The following ENOX1 variants were observed in gnomAD, a reference collection of about 807,000 sequenced individuals.
ENOX1 encodes ecto-NOX disulfide-thiol exchanger 1, also known as candidate growth-related and time keeping constitutive hydroquinone (NADH) oxidase.
In ENOX1, 42 loss-of-function variants were observed where a neutral mutation model predicts 82.5. That is an observed-to-expected ratio of 0.51 (90% CI 0.40 to 0.66). The LOEUF (loss-of-function observed/expected upper bound fraction) is 0.66, where lower values mean the gene tolerates loss of function less well. Ranked by LOEUF, ENOX1 falls within the 30% of genes least tolerant of loss-of-function variation. The pLI is 0.00. For synonymous variants in ENOX1, 271 were observed against 282.2 expected, an observed-to-expected ratio of 0.96 and a Z score of 0.40; for missense variants, 608 against 811.6, an observed-to-expected ratio of 0.75 and a Z score of 3.05.
At chr13:43,291,246 C>A (rs1469355606) in intron 12 of ENOX1, among the ~76,000 whole-genome samples, 2 of 152,146 alleles carry the variant, frequency 1.3e-5, no homozygotes, top group Admixed American at 6.5e-5. Context: ...CCTTCCCATC[C>A]CTGTGTCTGG....
chr13:43,524,243 C>G (rs543196543), intron 2 of ENOX1, among the ~76,000 whole-genome samples: 1 of 152,222 alleles, frequency 6.6e-6, no homozygotes, highest in South Asian at 2.1e-4. Context: ...CTCATTAACC[C>G]CAGACACTCA....
chr13:43,762,134 G>A (rs1341809479), intron 1 of ENOX1, among the ~76,000 whole-genome samples: 1 of 152,038 alleles, frequency 6.6e-6, no homozygotes, highest in Non-Finnish European at 1.5e-5. Context: ...TCTCGATTAA[G>A]CGGGAAACTC....
intron 9 of ENOX1, among the ~76,000 whole-genome samples, chr13:43,334,327 C>A (rs1264754005): frequency 6.6e-6 from 1 of 152,196 alleles, no homozygotes; most frequent in Non-Finnish European, 1.5e-5. Context: ...GAAATTACAT[C>A]TGTCCAACTT....
chr13:43,769,339 T>C (rs1436815224), intron 1 of ENOX1, among the ~76,000 whole-genome samples: 1 of 152,136 alleles, frequency 6.6e-6, no homozygotes, highest in Non-Finnish European at 1.5e-5. Flanking sequence ...GCCACCCTAA[T>C]GAGCTTCCCC....
intron 2 of ENOX1, among the ~76,000 whole-genome samples, chr13:43,662,064 G>A (rs556776752): frequency 1.8e-4 from 27 of 152,022 alleles, no homozygotes; most frequent in East Asian, 3.9e-4. Context: ...TAGTCCTATC[G>A]ACTTTGGGGC....
chr13:43,647,080 G>T (rs1041527540), intron 2 of ENOX1, among the ~76,000 whole-genome samples: 1 of 152,100 alleles, frequency 6.6e-6, no homozygotes, highest in Admixed American at 6.5e-5. Context: ...GGCGTCTTTG[G>T]CTACTCTCTA....
chr13:43,524,135 C>G (rs2077891207), intron 2 of ENOX1, among the ~76,000 whole-genome samples: 1 of 152,128 alleles, frequency 6.6e-6, no homozygotes, highest in Non-Finnish European at 1.5e-5. Context: ...CCTTCAGACC[C>G]CTTTAGTCCA....
chr13:43,445,125 GTTTT>G (rs71808213), intron 3 of ENOX1, among the ~76,000 whole-genome samples: 7 of 137,818 alleles, frequency 5.1e-5, no homozygotes, highest in South Asian at 2.3e-4. Context: ...TTCTTTCTGG[GTTTT>G]TTTTTTTTTT....
At chr13:43,494,493 A>T (rs1423471848) in intron 2 of ENOX1, among the ~76,000 whole-genome samples, 3 of 152,192 alleles carry the variant, frequency 2.0e-5, no homozygotes, top group South Asian at 2.1e-4. Flanking sequence ...AAATGACGGA[A>T]CAGTCCCCCA....
intron 2 of ENOX1, among the ~76,000 whole-genome samples, chr13:43,535,987 A>T (rs931958162): frequency 6.6e-6 from 1 of 152,214 alleles, no homozygotes; most frequent in Admixed American, 6.5e-5. Flanking sequence ...TATATGCCTT[A>T]GGAGAATATC....
chr13:43,418,995 T>C (rs550108553), intron 3 of ENOX1, among the ~76,000 whole-genome samples: 1 of 152,196 alleles, frequency 6.6e-6, no homozygotes, highest in Non-Finnish European at 1.5e-5. Context: ...CTGGCCAATA[T>C]AGTGAAACCC....
chr13:43,389,089 A>G (rs1464511985), intron 5 of ENOX1, among the ~76,000 whole-genome samples: 5 of 152,220 alleles, frequency 3.3e-5, no homozygotes, highest in Admixed American at 3.3e-4. Context: ...TAGCAGGGAA[A>G]CTAAATAGCA....
At chr13:43,310,421 C>T (rs557005582) in intron 11 of ENOX1, among the ~76,000 whole-genome samples, 1 of 152,088 alleles carries the variant, frequency 6.6e-6, no homozygotes, top group South Asian at 2.1e-4. Flanking sequence ...AAAATGACTT[C>T]CTTCCAATTA....
chr13:43,508,014 A>G (rs1459318875), intron 2 of ENOX1, among the ~76,000 whole-genome samples: 1 of 151,998 alleles, frequency 6.6e-6, no homozygotes, highest in Non-Finnish European at 1.5e-5. Context: ...CAACCTTAAT[A>G]ATTTAAAATT....
chr13:43,741,619 C>A (rs868003768), intron 1 of ENOX1, among the ~76,000 whole-genome samples: 1 of 152,104 alleles, frequency 6.6e-6, no homozygotes, highest in Non-Finnish European at 1.5e-5. Context: ...TGCATGAGTT[C>A]TTTACATATC....
In ENOX1 at chr13:43,622,902, A is replaced by G. The variant is rs537839141; in HGVS notation, c.-219+44577T>C. 9.2e-5 allele frequency among the ~76,000 whole-genome samples: 14 copies of G among 152,096 alleles called. No homozygotes were observed. In the East Asian group the frequency reaches 2.3e-3, roughly 25 times the overall value. On this transcript the variant is annotated intron_variant, in intron 2 of 16. Transcript: ENST00000690772. ...GTCGGGGCAGGGCTAGGCATGTCTGAGCTCAGACTTTCCTTGGGAGGGTCT... is the reference window on the plus strand; with the variant it reads ...GTCGGGGCAGGGCTAGGCATGTCTGGGCTCAGACTTTCCTTGGGAGGGTCT...
intron 2 of ENOX1, among the ~76,000 whole-genome samples, chr13:43,657,315 G>T (rs9525819): frequency 0.095 from 14,478 of 152,184 alleles, 1,018 homozygotes; most frequent in East Asian, 0.34. Context: ...AATTATTTTA[G>T]ATTTGTTTCC....
intron 2 of ENOX1, among the ~76,000 whole-genome samples, chr13:43,499,084 C>G (rs1189726669): frequency 6.6e-6 from 1 of 152,030 alleles, no homozygotes; most frequent in Non-Finnish European, 1.5e-5. Context: ...TAATGCTCTT[C>G]TAACTGTGAT....
At chr13:43,510,556 T>C (rs1157789139) in intron 2 of ENOX1, among the ~76,000 whole-genome samples, 2 of 152,122 alleles carry the variant, frequency 1.3e-5, no homozygotes, top group South Asian at 2.1e-4. Context: ...ATCCAATTCC[T>C]GTTGGGGCCC....
Sources: gnomAD v4.1 joint callset for allele counts (sites outside exome capture counted in the v4.1 genomes callset) on GRCh38, gnomAD v4.1.1 for gene constraint, MANE v1.5 for transcripts, NCBI Gene and HGNC (gene_info 2026-07-23, HGNC 2026-07-21) for gene names.